Variants in MZT1 observed in about 807,000 individuals in gnomAD.
MZT1 encodes mitotic-spindle organizing protein 1.
In MZT1, 8 loss-of-function variants were observed where a neutral mutation model predicts 8.5. The observed-to-expected ratio is 0.94, with a 90% confidence interval of 0.55 to 1.70. The LOEUF (loss-of-function observed/expected upper bound fraction) is 1.70, where lower values mean the gene tolerates loss of function less well. Ranked by LOEUF, MZT1 falls within the 40% of genes most tolerant of loss-of-function variation. The pLI, the probability that MZT1 is intolerant of heterozygous loss-of-function variation, is 0.00. For synonymous variants in MZT1, 38 were observed against 42.0 expected (o/e 0.90, Z 0.37); for missense variants, 93 against 108.6 (o/e 0.86, Z 0.64).
In MZT1 at chr13:72,724,752, A is replaced by ATATATATGTGTGTG. The variant is rs1180726488; in HGVS notation, c.79+2771_79+2772insCACACACATATATA. On this transcript the variant is annotated intron_variant, in intron 1 of 2. Coordinates refer to ENST00000377818, the MANE Select transcript of MZT1 (RefSeq NM_001071775.3). ...TATATATATATATACACATATATAT[A>ATATATATGTGTGTG]TGTAAAGTGGTGCTACAGGCCGGGC... is the stretch of plus-strand genomic sequence containing the variant. 6.9e-4 allele frequency among the ~76,000 whole-genome samples: 39 copies of ATATATATGTGTGTG among 56,884 alleles called. 4 individuals are homozygous for ATATATATGTGTGTG. Among genetic ancestry groups the ATATATATGTGTGTG allele is most frequent in the Non-Finnish European group, 1.0e-3 (27 of 26,834 alleles). 37.3% of individuals were successfully genotyped at this position (56,884 alleles called of 152,430 possible).
intron 1 of MZT1, among the ~76,000 whole-genome samples, chr13:72,725,401 C>T (rs1350333711): frequency 2.6e-5 from 4 of 152,174 alleles, no homozygotes; most frequent in African/African-American, 9.7e-5. Flanking sequence ...AGTTAGCCTG[C>T]TTCCTTCCAT....
In MZT1 at chr13:72,719,045, C is replaced by T. The variant is rs140329103; in HGVS notation, c.132G>A (p.Leu44=). Residue 44 remains leucine (L), a synonymous_variant, in exon 2 of 3, where the codon CTG becomes CTA. Transcript: ENST00000377818. Reference sequence around the variant, plus strand: ...GTTCACAAAGCCGTACACAAATAGACAGAGTTTCCATATCTAAGCCAGTAT... The same window carrying T: ...GTTCACAAAGCCGTACACAAATAGATAGAGTTTCCATATCTAAGCCAGTAT... The part of the protein sequence containing the change: ...ILNTGLDMET[L]SICVRLCEQG... 60 of 1,583,112 alleles carry T rather than the reference C, an allele frequency of 3.8e-5. No homozygotes were observed. In the African/African-American group the frequency reaches 6.3e-4, roughly 17 times the overall value.
rs2032470464 is a variant in MZT1, at chr13:72,709,883, C to T, written c.*439G>A. 1 of 153,712 alleles carries T rather than the reference C, an allele frequency of 6.5e-6. No homozygotes were observed. The highest frequency in any genetic ancestry group is 6.5e-5 in the Admixed American group (1 of 15,320). 9.5% of individuals were successfully genotyped at this position (153,712 alleles called of 1,614,324 possible). On this transcript the variant is annotated 3_prime_UTR_variant, in exon 3 of 3. Transcript: ENST00000377818. Reference sequence around the variant, plus strand: ...TTCAGCCCAATACAATATAAATCCACAGTTATAATGCATAAACAATTCAAA... The same window carrying T: ...TTCAGCCCAATACAATATAAATCCATAGTTATAATGCATAAACAATTCAAA...
intron 2 of MZT1, among the ~76,000 whole-genome samples, chr13:72,716,128 C>G (rs1275350437): frequency 6.6e-6 from 1 of 152,076 alleles, no homozygotes; most frequent in Non-Finnish European, 1.5e-5. Flanking sequence ...GTTGGCCAGG[C>G]TGGTCTTGAA....
At chr13:72,713,220 C>T (rs2032504572) in intron 2 of MZT1, among the ~76,000 whole-genome samples, 1 of 152,188 alleles carries the variant, frequency 6.6e-6, no homozygotes, top group Non-Finnish European at 1.5e-5. Flanking sequence ...CCATAAGCTT[C>T]AGTTTCCTTA....
intron 2 of MZT1, among the ~76,000 whole-genome samples, chr13:72,716,173 C>G (rs2032533222): frequency 6.6e-6 from 1 of 152,166 alleles, no homozygotes; most frequent in Non-Finnish European, 1.5e-5. Flanking sequence ...ACCTCAGCCT[C>G]CCAAAGTACT....
chr13:72,718,918 C>G (rs747615481), intron 2 of MZT1, 34 bp downstream of exon 2: 2 of 1,528,230 alleles, frequency 1.3e-6, no homozygotes, highest in South Asian at 2.5e-5. Flanking sequence ...ATAAAAGCAT[C>G]TTTATTTAGA....
chr13:72,712,841 G>A (rs1255055301), intron 2 of MZT1, among the ~76,000 whole-genome samples: 1 of 152,120 alleles, frequency 6.6e-6, no homozygotes, highest in Non-Finnish European at 1.5e-5. Context: ...TTCCTATTAT[G>A]TTAATTCCCT....
At chr13:72,723,284 C>A (rs1322571476) in intron 1 of MZT1, among the ~76,000 whole-genome samples, 2 of 152,200 alleles carry the variant, frequency 1.3e-5, no homozygotes, top group African/African-American at 4.8e-5. Flanking sequence ...CAAATGGACA[C>A]CTATTTTTAC....
chr13:72,720,859 G>C (rs1436119025), intron 1 of MZT1, among the ~76,000 whole-genome samples: 1 of 152,054 alleles, frequency 6.6e-6, no homozygotes, highest in African/African-American at 2.4e-5. Flanking sequence ...TTGCACTCCA[G>C]CCTGGGCAAC....
chr13:72,710,294 C>T lies in MZT1; in HGVS notation c.*28G>A. Reference sequence around the variant, plus strand: ...CTTCAAACCCTCTTGCAGAGCTTGACATATCTCATCAGAATTTCTCCAGAA... The same window carrying T: ...CTTCAAACCCTCTTGCAGAGCTTGATATATCTCATCAGAATTTCTCCAGAA... On this transcript the variant is annotated 3_prime_UTR_variant, in exon 3 of 3. Transcript: ENST00000377818. 1 of 1,611,552 alleles carries T rather than the reference C, an allele frequency of 6.2e-7. No homozygotes were observed. The highest frequency in any genetic ancestry group is 1.1e-5 in the South Asian group (1 of 90,998).
chr13:72,718,443 G>C (rs1341451261), intron 2 of MZT1, among the ~76,000 whole-genome samples: 1 of 151,952 alleles, frequency 6.6e-6, no homozygotes, highest in Non-Finnish European at 1.5e-5. Flanking sequence ...CAGACTTCTG[G>C]GAAAACATAA....
At chr13:72,711,315 T>C (rs543284634) in intron 2 of MZT1, among the ~76,000 whole-genome samples, 83 of 152,306 alleles carry the variant, frequency 5.4e-4, no homozygotes, top group African/African-American at 1.9e-3. Flanking sequence ...ATCCTATTTA[T>C]GCTGTGGGAG....
chr13:72,718,035 G>A (rs1209130854), intron 2 of MZT1, among the ~76,000 whole-genome samples: 1 of 152,152 alleles, frequency 6.6e-6, no homozygotes, highest in East Asian at 1.9e-4. Context: ...CCATAATAAA[G>A]TAACCACATA....
intron 1 of MZT1, among the ~76,000 whole-genome samples, chr13:72,721,312 G>A (rs909657819): frequency 6.6e-6 from 1 of 152,176 alleles, no homozygotes; most frequent in Non-Finnish European, 1.5e-5. Context: ...AGAATTCTGA[G>A]TACTGTATCC....
chr13:72,719,234 A>T (rs1268019599), intron 1 of MZT1, 137 bp from the exon 2 acceptor site: 1 of 601,146 alleles, frequency 1.7e-6, no homozygotes, highest in African/African-American at 1.9e-5. Flanking sequence ...GGAAATCTGC[A>T]TGTAATACTT....
chr13:72,721,772 T>C (rs983975533), intron 1 of MZT1, among the ~76,000 whole-genome samples: 2 of 152,222 alleles, frequency 1.3e-5, no homozygotes, highest in East Asian at 1.9e-4. Context: ...TTGTTCTGTA[T>C]GCTTTACCTG....
At chr13:72,727,464 GC>G in intron 1 of MZT1, 59 bp downstream of exon 1, 2 of 1,551,852 alleles carry the variant, frequency 1.3e-6, no homozygotes, top group African/African-American at 1.3e-5. Flanking sequence ...GCTCATTCCC[GC>G]CTGGGGGCCT....
At chr13:72,723,217 C>T (rs1000959611) in intron 1 of MZT1, among the ~76,000 whole-genome samples, 2 of 152,208 alleles carry the variant, frequency 1.3e-5, no homozygotes, top group African/African-American at 4.8e-5. Flanking sequence ...CTTCATATAA[C>T]TCAATGCTGT....
Sources: gnomAD v4.1 joint callset for allele counts (sites outside exome capture counted in the v4.1 genomes callset) on GRCh38, gnomAD v4.1.1 for gene constraint, MANE v1.5 for transcripts, NCBI Gene and HGNC (gene_info 2026-07-23, HGNC 2026-07-21) for gene names.